Variants in VASH2 observed in about 807,000 individuals in gnomAD.
VASH2 encodes the protein tubulinyl-Tyr carboxypeptidase 2.
Under a neutral mutation model 37.2 loss-of-function variants are expected in VASH2, and 28 were observed. The ratio of observed to expected loss-of-function variants is 0.75; its 90% CI spans 0.56 to 1.03. The LOEUF is 1.03. Ranked by LOEUF, VASH2 falls within the 50% of genes least tolerant of loss-of-function variation. The pLI is 0.00. For missense variants in VASH2, 419 were observed against 459.1 expected, an observed-to-expected ratio of 0.91 and a Z score of 0.80; for synonymous variants, 188 against 174.7, an observed-to-expected ratio of 1.08 and a Z score of -0.60.
chr1:212,960,969 A>G (rs1666654730), intron 2 of VASH2, among the ~76,000 whole-genome samples, 197 bp from the exon 3 acceptor site: 1 of 152,214 alleles, frequency 6.6e-6, no homozygotes, highest in Non-Finnish European at 1.5e-5. Flanking sequence ...CAGAGCTTCA[A>G]TGAGGGACCC....
chr1:212,985,220 T>C (rs1274806979), intron 7 of VASH2, among the ~76,000 whole-genome samples: 5 of 125,428 alleles, frequency 4.0e-5, no homozygotes, highest in Non-Finnish European at 8.5e-5. Flanking sequence ...TTTTTTTTTT[T>C]TGTAGAGATG....
At chr1:212,968,527 T>C (rs1346077735) in intron 5 of VASH2, 2 of 985,498 alleles carry the variant, frequency 2.0e-6, no homozygotes, top group African/African-American at 1.7e-5. Flanking sequence ...TGAAACCAGA[T>C]TGACCACAGG....
At chr1:212,958,938 A>G (rs1191352612) in intron 2 of VASH2, among the ~76,000 whole-genome samples, 1 of 151,370 alleles carries the variant, frequency 6.6e-6, no homozygotes, top group African/African-American at 2.4e-5. Flanking sequence ...CATGTTGCCC[A>G]GGCTGGTCTC....
chr1:212,965,881 C>G (rs1666825971), intron 4 of VASH2, 103 bp downstream of exon 4: 1 of 1,241,870 alleles, frequency 8.1e-7, no homozygotes, highest in East Asian at 2.5e-5. Context: ...CTCAGGTATC[C>G]TAGTCTGTAA....
At position 212,972,572 on chromosome 1, in the gene VASH2, T is replaced by C. The variant is rs1225711668; in HGVS notation, c.498-8T>C. On this transcript the variant is annotated splice_polypyrimidine_tract_variant and splice_region_variant and intron_variant, in intron 5 of 7. Coordinates refer to ENST00000517399, the MANE Select transcript of VASH2 (RefSeq NM_001301056.2). ...CTCCTTTCTCTTCCTTGACTCAGATTGTCTAAGCTACTTAACCAATGGGCA... is the reference window on the plus strand; with the variant it reads ...CTCCTTTCTCTTCCTTGACTCAGATCGTCTAAGCTACTTAACCAATGGGCA... The C allele has an allele frequency of 1.2e-6, 2 of 1,602,152 alleles. No individual in the cohort carries two copies. Among genetic ancestry groups the C allele is most frequent in the East Asian group, 2.2e-5 (1 of 44,844 alleles).
chr1:212,967,477 A>T (rs1482720299), intron 5 of VASH2: 3 of 1,157,978 alleles, frequency 2.6e-6, no homozygotes, highest in Non-Finnish European at 3.2e-6. Context: ...AGCTTGAGAG[A>T]TGGTCCCAGG....
chr1:212,961,626 G>A (rs142936169), intron 3 of VASH2, among the ~76,000 whole-genome samples: 3 of 152,170 alleles, frequency 2.0e-5, no homozygotes, highest in South Asian at 4.1e-4. Context: ...TTTTTGACAT[G>A]AGGACTTGCT....
In VASH2 at chr1:212,991,365, T is replaced by C. The variant is rs553450004; in HGVS notation, c.*2781T>C. On this transcript the variant is annotated 3_prime_UTR_variant, in exon 8 of 8. Coordinates refer to ENST00000517399, the MANE Select transcript of VASH2 (RefSeq NM_001301056.2). ...TTTTTTTGACATACAATTCAGAACT[T>C]TGTTTATTCTCTTGGACTTTGTTCT... 1.4e-4 allele frequency: 22 copies of C among 152,316 alleles called. No homozygotes were observed. Among genetic ancestry groups the C allele is most frequent in the African/African-American group, 5.3e-4 (22 of 41,570 alleles). 9.4% of individuals were successfully genotyped at this position (152,316 alleles called of 1,614,324 possible).
Position 212,961,230 on chromosome 1 carries a change from T to C in VASH2, c.341T>C (p.Ile114Thr). 1 of 1,614,204 alleles carries C rather than the reference T, an allele frequency of 6.2e-7. No homozygotes were observed. The highest frequency in any genetic ancestry group is 8.5e-7 in the Non-Finnish European group (1 of 1,180,034). ...ACGATCCCAGACTGGCTCCAGGCGA[T>C]CCAGAATTACATGAAGACCCTACAG... ...SMTIPDWLQA[I>T]QNYMKTLQYN... Residue 114 changes from isoleucine (I) to threonine (T), a missense_variant, in exon 3 of 8, where the codon ATC becomes ACC. By Grantham distance (89) the Ile-to-Thr change is moderately conservative. Transcript: ENST00000517399.
At chr1:212,980,629 C>T (rs930674200) in intron 7 of VASH2, among the ~76,000 whole-genome samples, 5 of 152,146 alleles carry the variant, frequency 3.3e-5, no homozygotes, top group Non-Finnish European at 5.9e-5. Flanking sequence ...GGAAGGATTA[C>T]GTATGTCCAG....
At chr1:212,953,535 C>T (rs112197124) in intron 2 of VASH2, among the ~76,000 whole-genome samples, 4,402 of 152,258 alleles carry the variant, frequency 0.029, 213 homozygotes, top group African/African-American at 0.099. Flanking sequence ...CTACTCACAG[C>T]ACCCTTGAAT....
intron 2 of VASH2, among the ~76,000 whole-genome samples, chr1:212,956,837 C>T (rs182242075): frequency 7.2e-5 from 11 of 152,104 alleles, no homozygotes; most frequent in Non-Finnish European, 1.5e-4. Context: ...ATTGTCTTTT[C>T]GTGGCTCTTA....
At chr1:212,964,095 C>T (rs1666762524) in intron 3 of VASH2, among the ~76,000 whole-genome samples, 1 of 152,204 alleles carries the variant, frequency 6.6e-6, no homozygotes, top group Admixed American at 6.5e-5. Context: ...GGAGGCCCCC[C>T]AGCCCTCACC....
chr1:212,972,766 C>T lies in VASH2; in HGVS notation c.684C>T (p.Leu228=), dbSNP rs1558148416. The change falls in exon 6 of 8, where the codon CTC becomes CTT. Residue 228 remains leucine (L), a synonymous_variant. Coordinates refer to ENST00000517399, the MANE Select transcript of VASH2 (RefSeq NM_001301056.2). ...KPLTFRTLSD[L]IFDFEDSYKK... is the part of the protein sequence containing the mutation. ...TGACTTTTCGGACTCTGAGTGACCTCATCTTTGACTTTGAGGACTCTTACA... is the reference window on the plus strand; with the variant it reads ...TGACTTTTCGGACTCTGAGTGACCTTATCTTTGACTTTGAGGACTCTTACA... 1.9e-6 allele frequency: 3 copies of T among 1,614,226 alleles called. No homozygotes were observed. The highest frequency in any genetic ancestry group is 1.7e-5 in the Admixed American group (1 of 60,030).
chr1:212,973,717 A>C (rs1031136764), intron 6 of VASH2: 2 of 1,309,648 alleles, frequency 1.5e-6, no homozygotes, highest in Non-Finnish European at 2.0e-6. Flanking sequence ...CGGCACAGGG[A>C]GCACAATGTG....
intron 2 of VASH2, among the ~76,000 whole-genome samples, chr1:212,957,881 T>C (rs192815995): frequency 9.6e-4 from 146 of 152,310 alleles, no homozygotes; most frequent in African/African-American, 2.6e-3. Flanking sequence ...ACTACACGTG[T>C]GAGCCACGGC....
intron 7 of VASH2, among the ~76,000 whole-genome samples, chr1:212,979,420 T>C (rs1221159025): frequency 6.6e-6 from 1 of 152,146 alleles, no homozygotes; most frequent in Non-Finnish European, 1.5e-5. Flanking sequence ...TCTAAATGTG[T>C]TGGGTGTCAT....
chr1:212,981,151 T>C (rs1667327228), intron 7 of VASH2, among the ~76,000 whole-genome samples: 2 of 152,180 alleles, frequency 1.3e-5, no homozygotes, highest in Non-Finnish European at 2.9e-5. Context: ...CCCTGGAATC[T>C]CCAACAGTTG....
At position 212,950,827 on chromosome 1, in the gene VASH2, GA is replaced by G; in HGVS notation, c.-205+91del. The G allele has an allele frequency of 6.5e-6, 1 of 153,090 alleles. No individual in the cohort carries two copies. Among genetic ancestry groups the G allele is most frequent in the Non-Finnish European group, 1.5e-5 (1 of 68,208 alleles). The allele number at this position is 153,090 out of a possible 1,614,324, so 9.5% of individuals were successfully genotyped here. ...CCGGTGATAGGCGCTGGAACTCGGG[GA>G]AAAGGGGGCGGATGGAGCTCTTTCC... On this transcript the variant is annotated intron_variant, in intron 1 of 7. Transcript: ENST00000517399. The surrounding 1 kb of genome is among the most constrained non-coding windows in gnomAD (Gnocchi z 5.5).
Sources: allele counts gnomAD v4.1 joint callset (sites outside exome capture counted in the v4.1 genomes callset), GRCh38; gene constraint gnomAD v4.1.1; non-coding constraint Gnocchi (gnomAD v3.1); transcripts MANE v1.5; gene names NCBI Gene and HGNC (gene_info 2026-07-23, HGNC 2026-07-21).